LTBP1: variants seen among roughly 807,000 people sequenced by gnomAD.
LTBP1 encodes latent-transforming growth factor beta-binding protein 1.
In LTBP1, 129 loss-of-function variants were observed where a neutral mutation model predicts 207.6. The ratio of observed to expected loss-of-function variants is 0.62; its 90% CI spans 0.54 to 0.72. The LOEUF (loss-of-function observed/expected upper bound fraction) is 0.72, where lower values mean the gene tolerates loss of function less well. LTBP1 is among the 30% of genes least tolerant of loss of function. The pLI, the probability that LTBP1 is intolerant of heterozygous loss-of-function variation, is 0.00. For synonymous variants in LTBP1, 963 were observed against 833.7 expected, an observed-to-expected ratio of 1.16 and a Z score of -2.67; for missense variants, 2,281 against 2,217.2, an observed-to-expected ratio of 1.03 and a Z score of -0.58.
Position 33,032,436 on chromosome 2 carries a change from G to A in LTBP1, c.863+11230G>A, listed in dbSNP as rs574326160. 7.8e-4 allele frequency among the ~76,000 whole-genome samples: 119 copies of A among 152,120 alleles called. 1 individual carries two copies. Among genetic ancestry groups the A allele is most frequent in the African/African-American group, 2.6e-3 (109 of 41,500 alleles). On this transcript the variant is annotated intron_variant, in intron 3 of 33. Transcript: ENST00000404816. ...TCTACCCCTATCGATATCAACTTCC[G>A]TGTATCTTCTCTGTGTTTTTCTTGC...
chr2:32,954,418 C>T lies in LTBP1; in HGVS notation c.565+5473C>T, dbSNP rs559939906. Reference sequence around the variant, plus strand: ...TCTGAAGGCAGTTCTAGGCCTCTCTCCTTGGCCTGTAGATGGCCGTCTCTT... The same window carrying T: ...TCTGAAGGCAGTTCTAGGCCTCTCTTCTTGGCCTGTAGATGGCCGTCTCTT... On this transcript the variant is annotated intron_variant, in intron 2 of 33. Transcript: ENST00000404816. 3.3e-5 allele frequency among the ~76,000 whole-genome samples: 5 copies of T among 152,270 alleles called. No individual in the cohort carries two copies. The South Asian group carries it at 1.0e-3, about 32-fold the overall frequency.
chr2:33,357,738 T>G (rs2094881251), intron 26 of LTBP1, among the ~76,000 whole-genome samples: 1 of 152,228 alleles, frequency 6.6e-6, no homozygotes, highest in Non-Finnish European at 1.5e-5. Context: ...AATTGAAAAC[T>G]TAATCTGAAA....
intron 2 of LTBP1, among the ~76,000 whole-genome samples, chr2:32,971,519 T>C (rs1421758050): frequency 6.6e-6 from 1 of 152,186 alleles, no homozygotes; most frequent in African/African-American, 2.4e-5. Context: ...TTGATTGTTA[T>C]CAAAAGCCTT....
chr2:33,207,504 TAAAAAA>T (rs57548872), intron 7 of LTBP1, among the ~76,000 whole-genome samples: 6,741 of 151,950 alleles, frequency 0.044, 181 homozygotes, highest in African/African-American at 0.068. Flanking sequence ...TGAGTGGACT[TAAAAAA>T]AAGAAAGAAA....
intron 10 of LTBP1, among the ~76,000 whole-genome samples, chr2:33,249,876 T>C (rs2092633320): frequency 6.6e-6 from 1 of 152,230 alleles, no homozygotes; most frequent in Admixed American, 6.5e-5. Context: ...TACAGCTGCT[T>C]CCCCTATCCC....
intron 31 of LTBP1, among the ~76,000 whole-genome samples, chr2:33,386,676 T>A (rs2095267929): frequency 6.6e-6 from 1 of 152,116 alleles, no homozygotes; most frequent in Admixed American, 6.5e-5. Context: ...ATAACAAAAA[T>A]TAGCCAGGTT....
chr2:33,084,258 T>A (rs1035539280), intron 3 of LTBP1, among the ~76,000 whole-genome samples: 4 of 152,138 alleles, frequency 2.6e-5, no homozygotes, highest in Non-Finnish European at 4.4e-5. Context: ...GATAGGCATT[T>A]TTGCTTTTAA....
At chr2:33,048,440 A>T (rs1179664084) in intron 3 of LTBP1, among the ~76,000 whole-genome samples, 1 of 152,226 alleles carries the variant, frequency 6.6e-6, no homozygotes, top group East Asian at 1.9e-4. Flanking sequence ...ATTAAAGTTA[A>T]ATGTTGACCA....
intron 24 of LTBP1, chr2:33,333,015 G>C (rs1241941358): frequency 1.3e-5 from 2 of 152,266 alleles, no homozygotes; most frequent in Non-Finnish European, 2.9e-5. Context: ...AGCTAGGGAG[G>C]CAGGTACAGA....
intron 3 of LTBP1, among the ~76,000 whole-genome samples, chr2:33,036,529 C>G (rs1453474723): frequency 3.9e-5 from 6 of 151,988 alleles, no homozygotes; most frequent in African/African-American, 1.4e-4. Flanking sequence ...GCAATCTCAG[C>G]TCACTGCAAC....
intron 7 of LTBP1, among the ~76,000 whole-genome samples, chr2:33,197,091 T>C (rs1470311670): frequency 6.6e-6 from 1 of 152,250 alleles, no homozygotes; most frequent in African/African-American, 2.4e-5. Flanking sequence ...TCTAAAAATA[T>C]GTTTAACAAT....
At chr2:33,292,733 C>T (rs1048969699) in intron 19 of LTBP1, among the ~76,000 whole-genome samples, 2 of 152,118 alleles carry the variant, frequency 1.3e-5, no homozygotes, top group African/African-American at 4.8e-5. Flanking sequence ...TCTGTGATTT[C>T]TCTGGGTCAT....
intron 19 of LTBP1, among the ~76,000 whole-genome samples, chr2:33,281,434 G>T (rs1464177039): frequency 5.3e-5 from 8 of 152,180 alleles, no homozygotes; most frequent in Non-Finnish European, 1.5e-5. Context: ...GTAGCTGAAG[G>T]CCAGAGAACA....
chr2:32,948,856 C>A lies in LTBP1; in HGVS notation c.495-19C>A. 6.2e-7 allele frequency: 1 copy of A among 1,612,486 alleles called. No individual in the cohort carries two copies. Among genetic ancestry groups the A allele is most frequent in the Non-Finnish European group, 8.5e-7 (1 of 1,178,548 alleles). ...GGGGTCTTTCTGCTGCTGGACTCAGCGATCTTGCTTTGTTTCAGGGTCAAT... is the reference window on the plus strand; with the variant it reads ...GGGGTCTTTCTGCTGCTGGACTCAGAGATCTTGCTTTGTTTCAGGGTCAAT... On this transcript the variant is annotated intron_variant, in intron 1 of 33. Transcript: ENST00000404816.
chr2:33,393,453 C>G (rs189708199), intron 32 of LTBP1, among the ~76,000 whole-genome samples: 1 of 146,564 alleles, frequency 6.8e-6, no homozygotes, highest in Non-Finnish European at 1.5e-5. Context: ...CCCCCAACCC[C>G]GCGAAAGGCC....
chr2:33,120,798 A>G (rs116612595), intron 4 of LTBP1, among the ~76,000 whole-genome samples: 2,938 of 152,302 alleles, frequency 0.019, 40 homozygotes, highest in Middle Eastern at 0.048. Context: ...GAACTAATTT[A>G]TACTCCCACC....
In LTBP1 at chr2:33,398,416, C is replaced by G. The variant is rs1453891980; in HGVS notation, c.5037C>G (p.Ala1679=). 1 of 1,613,966 alleles carries G rather than the reference C, an allele frequency of 6.2e-7. No homozygotes were observed. The highest frequency in any genetic ancestry group is 1.7e-5 in the Admixed American group (1 of 60,000). ...ACCGGATGTCTCTCTGCAAGAATGC[C>G]AAGTGCATTAACACCGATGGTTCCT... ...LNNRMSLCKN[A]KCINTDGSYK... Residue 1679 remains alanine, a synonymous_variant, in exon 34 of 34, where the codon GCC becomes GCG. Coordinates refer to ENST00000404816, the MANE Select transcript of LTBP1 (RefSeq NM_206943.4).
chr2:33,183,390 T>C (rs1320689661), intron 5 of LTBP1, among the ~76,000 whole-genome samples: 2 of 152,192 alleles, frequency 1.3e-5, no homozygotes, highest in East Asian at 1.9e-4. Context: ...ATACCAGATG[T>C]GCAGGGACCA....
intron 4 of LTBP1, among the ~76,000 whole-genome samples, chr2:33,128,796 G>C (rs1235866993): frequency 4.6e-5 from 7 of 152,192 alleles, no homozygotes; most frequent in African/African-American, 1.4e-4. Flanking sequence ...TTGAGCTCTT[G>C]CTCCCCCTTT....
Sources: allele counts gnomAD v4.1 joint callset (sites outside exome capture counted in the v4.1 genomes callset), GRCh38; gene constraint gnomAD v4.1.1; transcripts MANE v1.5; gene names NCBI Gene and HGNC (gene_info 2026-07-23, HGNC 2026-07-21).